DACH2: variants seen among roughly 807,000 people sequenced by gnomAD.
DACH2 encodes dachshund family transcription factor 2, also known as dachshund homolog 2.
In DACH2, 17 loss-of-function variants were observed where a neutral mutation model predicts 35.8. The ratio of observed to expected loss-of-function variants is 0.48; its 90% CI spans 0.33 to 0.71. DACH2 has a LOEUF of 0.71. DACH2 is among the 30% of genes least tolerant of loss of function. DACH2 has a pLI of 0.02. For synonymous variants in DACH2, 195 were observed against 177.3 expected, an observed-to-expected ratio of 1.10 and a Z score of -0.79; for missense variants, 469 against 472.7, an observed-to-expected ratio of 0.99 and a Z score of 0.07.
At chrX:86,525,369 C>A (rs1002768860) in intron 3 of DACH2, among the ~76,000 whole-genome samples, 1 of 111,544 alleles carries the variant, frequency 9.0e-6, no homozygotes, top group South Asian at 3.7e-4. Context: ...AAATAAAACA[C>A]TTTAATTTTC....
chrX:86,154,964 A>C (rs929368482), intron 1 of DACH2, among the ~76,000 whole-genome samples: 1 of 111,534 alleles, frequency 9.0e-6, no homozygotes, highest in African/African-American at 3.2e-5. Flanking sequence ...CTCAATACTC[A>C]TGCTATATTG....
chrX:86,182,379 G>T (rs866558528), intron 1 of DACH2, among the ~76,000 whole-genome samples: 5 of 111,690 alleles, frequency 4.5e-5, no homozygotes, highest in Admixed American at 2.9e-4. Context: ...GTAAGGAAGG[G>T]GTCCAGTTTC....
intron 3 of DACH2, among the ~76,000 whole-genome samples, chrX:86,609,444 A>G (rs1259932846): frequency 8.9e-6 from 1 of 111,746 alleles, no homozygotes; most frequent in Non-Finnish European, 1.9e-5. Context: ...ATATATCTTG[A>G]TTTCTCCTGG....
chrX:86,550,438 G>A (rs1230565343), intron 3 of DACH2, among the ~76,000 whole-genome samples: 3 of 111,047 alleles, frequency 2.7e-5, no homozygotes, highest in Non-Finnish European at 3.8e-5. Context: ...TAAACTATTA[G>A]ATAAATGTAA....
chrX:86,545,228 T>C (rs2038941206), intron 3 of DACH2, among the ~76,000 whole-genome samples: 2 of 111,984 alleles, frequency 1.8e-5, no homozygotes, highest in African/African-American at 6.5e-5. Flanking sequence ...ATCCATAAAA[T>C]AAAAGAGATC....
At chrX:86,240,545 T>A (rs2147941507) in intron 1 of DACH2, among the ~76,000 whole-genome samples, 1 of 108,755 alleles carries the variant, frequency 9.2e-6, no homozygotes, top group South Asian at 4.0e-4. Flanking sequence ...CATGGCTCAT[T>A]GCAGCCCTGA....
At chrX:86,572,451 ATC>A (rs1361330987) in intron 3 of DACH2, among the ~76,000 whole-genome samples, 1 of 111,800 alleles carries the variant, frequency 8.9e-6, no homozygotes, top group Non-Finnish European at 1.9e-5. Flanking sequence ...AGAATCCTTA[ATC>A]TTTTCTACAT....
chrX:86,383,646 C>A (rs1333161368), intron 2 of DACH2, among the ~76,000 whole-genome samples: 2 of 103,287 alleles, frequency 1.9e-5, no homozygotes, highest in Admixed American at 1.1e-4. Flanking sequence ...TTATTGAAAA[C>A]CCAGTTTGAA....
At chrX:86,443,896 T>G (rs926120221) in intron 2 of DACH2, among the ~76,000 whole-genome samples, 1 of 111,512 alleles carries the variant, frequency 9.0e-6, no homozygotes, top group African/African-American at 3.3e-5. Context: ...TAAATTCACT[T>G]TGCTAGTATT....
intron 1 of DACH2, chrX:86,160,381 C>G (rs1395006955): frequency 1.0e-5 from 7 of 674,766 alleles, no homozygotes; most frequent in Non-Finnish European, 1.7e-5. Flanking sequence ...CTGAGAAGCT[C>G]TCAATACACA....
intron 1 of DACH2, among the ~76,000 whole-genome samples, chrX:86,153,410 G>A (rs959478135): frequency 1.1e-4 from 12 of 110,977 alleles, no homozygotes; most frequent in African/African-American, 3.3e-4. Flanking sequence ...GTTATTATGA[G>A]CGCTCAATGA....
chrX:86,384,906 G>A (rs886790394), intron 2 of DACH2, among the ~76,000 whole-genome samples: 3 of 111,575 alleles, frequency 2.7e-5, no homozygotes, highest in Non-Finnish European at 3.8e-5. Context: ...CAGCAGCCAC[G>A]CTTTACAATT....
chrX:86,288,860 G>T (rs1420305032), intron 1 of DACH2, among the ~76,000 whole-genome samples: 1 of 111,793 alleles, frequency 8.9e-6, no homozygotes, highest in Non-Finnish European at 1.9e-5. Flanking sequence ...TCTCAAGTCT[G>T]GTTTGGTGCT....
intron 2 of DACH2, among the ~76,000 whole-genome samples, chrX:86,437,193 G>A (rs1256917572): frequency 9.0e-6 from 1 of 110,629 alleles, no homozygotes; most frequent in African/African-American, 3.3e-5. Context: ...TATTTATGGG[G>A]TACATATTAT....
At chrX:86,755,920 A>G (rs2041824551) in intron 7 of DACH2, among the ~76,000 whole-genome samples, 1 of 110,214 alleles carries the variant, frequency 9.1e-6, no homozygotes. Flanking sequence ...TTATATGGTG[A>G]GAGATTTGGG....
intron 4 of DACH2, among the ~76,000 whole-genome samples, chrX:86,672,669 A>G (rs2040778107): frequency 8.9e-6 from 1 of 112,020 alleles, no homozygotes; most frequent in African/African-American, 3.2e-5. Flanking sequence ...CTCCACTTAG[A>G]TTTCAGAGGA....
At chrX:86,422,183 CAT>C (rs2036815555) in intron 2 of DACH2, among the ~76,000 whole-genome samples, 1 of 110,250 alleles carries the variant, frequency 9.1e-6, no homozygotes, top group African/African-American at 3.3e-5. Context: ...AGGGAGCTGA[CAT>C]ATATAGTGTG....
intron 1 of DACH2, among the ~76,000 whole-genome samples, chrX:86,373,283 C>A (rs1022673332): frequency 1.7e-4 from 19 of 111,089 alleles, no homozygotes; most frequent in African/African-American, 6.2e-4. Context: ...AATTTACATT[C>A]CTACCAAGAG....
rs917853798 is a variant in DACH2, at chrX:86,736,436, G to A, written c.1105-3311G>A. 9.0e-5 allele frequency among the ~76,000 whole-genome samples: 10 copies of A among 111,627 alleles called. 1 individual carries two copies. In the Admixed American group the frequency reaches 9.6e-4, roughly 11 times the overall value. On this transcript the variant is annotated intron_variant, in intron 6 of 11. Transcript: ENST00000373125. The stretch of plus-strand genomic sequence containing the variant: ...ATATGCTGCTGAAAATGCAAAGAAG[G>A]AGTTTCAGCATAAATTATTGGAGTT...
Sources: allele counts gnomAD v4.1 joint callset (sites outside exome capture counted in the v4.1 genomes callset), GRCh38; gene constraint gnomAD v4.1.1; transcripts MANE v1.5; gene names NCBI Gene and HGNC (gene_info 2026-07-23, HGNC 2026-07-21).